The following SPICE1 variants were observed in gnomAD, a reference collection of about 807,000 sequenced individuals.
The protein encoded by SPICE1 is spindle and centriole-associated protein 1.
A neutral mutation model predicts 102.7 loss-of-function variants in SPICE1; 75 were observed. That is an observed-to-expected ratio of 0.73 (90% CI 0.61 to 0.88). The LOEUF (loss-of-function observed/expected upper bound fraction) is 0.88, where lower values mean the gene tolerates loss of function less well. SPICE1 is among the 40% of genes least tolerant of loss of function. The probability of loss-of-function intolerance (pLI) is 0.00; values close to 1 mark genes in which losing one functional copy is unlikely to be tolerated. For synonymous variants in SPICE1, 308 were observed against 350.3 expected, an observed-to-expected ratio of 0.88 and a Z score of 1.35; for missense variants, 979 against 1,020.1, an observed-to-expected ratio of 0.96 and a Z score of 0.55.
chr3:113,462,915 G>A (rs1289500666), intron 11 of SPICE1, among the ~76,000 whole-genome samples: 2 of 152,116 alleles, frequency 1.3e-5, no homozygotes, highest in Non-Finnish European at 2.9e-5. Flanking sequence ...AAGGCGCTAT[G>A]TAATTGGGCT....
chr3:113,489,183 G>C (rs1936712656), intron 6 of SPICE1, 120 bp from the exon 7 acceptor site: 1 of 621,978 alleles, frequency 1.6e-6, no homozygotes, highest in Non-Finnish European at 2.8e-6. Flanking sequence ...ACATGTTGTA[G>C]AACACAAATC....
chr3:113,477,220 T>C (rs540779138), intron 7 of SPICE1, among the ~76,000 whole-genome samples: 41 of 152,032 alleles, frequency 2.7e-4, no homozygotes, highest in Non-Finnish European at 5.6e-4. Flanking sequence ...GAAATGCAAA[T>C]CAAAACCACA....
At chr3:113,493,174 T>G (rs2107494891) in intron 6 of SPICE1, 32 bp downstream of exon 6, 2 of 1,445,320 alleles carry the variant, frequency 1.4e-6, no homozygotes, top group Non-Finnish European at 1.9e-6. Context: ...CCTTTCAGCA[T>G]GAGTGTTATA....
intron 13 of SPICE1, among the ~76,000 whole-genome samples, chr3:113,454,523 A>G (rs1935736517): frequency 6.6e-6 from 1 of 152,122 alleles, no homozygotes; most frequent in African/African-American, 2.4e-5. Context: ...AGCCTGGCCA[A>G]CATAGTGAAA....
rs149314908 is a variant in SPICE1 at position 113,460,744 on chromosome 3, C to T, written c.1308G>A (p.Met436Ile). Residue 436 changes from methionine (M) to isoleucine (I), a missense_variant, in exon 12 of 18, where the codon ATG becomes ATA. Met to Ile is a conservative substitution (Grantham distance 10). Transcript: ENST00000295872. ...AATQARLQQYMVTTDEQLISL... is the reference protein window; with the variant it reads ...AATQARLQQYIVTTDEQLISL... ...ATATCAGTTGCTCATCTGTTGTGAC[C>T]ATGTACTGCTGAAGTCTTGCCTGGG... 41 of 1,607,900 alleles carry T rather than the reference C, an allele frequency of 2.5e-5. No homozygotes were observed. The East Asian group carries it at 7.4e-4, about 29-fold the overall frequency.
chr3:113,462,457 C>T (rs535861761), intron 11 of SPICE1, among the ~76,000 whole-genome samples: 2 of 152,182 alleles, frequency 1.3e-5, no homozygotes, highest in African/African-American at 4.8e-5. Context: ...GATGTCAAAT[C>T]TTCTCATGGC....
At chr3:113,496,843 C>T (rs1347243167) in intron 4 of SPICE1, among the ~76,000 whole-genome samples, 1 of 152,198 alleles carries the variant, frequency 6.6e-6, no homozygotes, top group African/African-American at 2.4e-5. Flanking sequence ...TATCCATTGA[C>T]TAAGCAATTC....
chr3:113,467,517 C>T (rs1305106456), intron 10 of SPICE1, among the ~76,000 whole-genome samples: 3 of 152,228 alleles, frequency 2.0e-5, no homozygotes, highest in South Asian at 2.1e-4. Flanking sequence ...TGGTCTTAAA[C>T]TCCTGACCTC....
chr3:113,453,218 C>T (rs1935697130), intron 14 of SPICE1, among the ~76,000 whole-genome samples: 1 of 152,152 alleles, frequency 6.6e-6, no homozygotes, highest in Admixed American at 6.5e-5. Context: ...TTAATCTTAG[C>T]TTTCCTACGC....
chr3:113,464,315 G>A (rs1048270515), intron 11 of SPICE1, among the ~76,000 whole-genome samples: 1 of 148,336 alleles, frequency 6.7e-6, no homozygotes, highest in African/African-American at 2.5e-5. Flanking sequence ...GGAGTGTAAT[G>A]GCAAAATCAT....
At chr3:113,472,777 C>T (rs116692964) in intron 7 of SPICE1, among the ~76,000 whole-genome samples, 14 of 152,244 alleles carry the variant, frequency 9.2e-5, no homozygotes, top group African/African-American at 3.4e-4. Context: ...ACATCAAAAA[C>T]CCATCTCTAC....
intron 10 of SPICE1, among the ~76,000 whole-genome samples, chr3:113,467,591 A>G (rs6438151): frequency 0.06 from 9,079 of 152,306 alleles, 347 homozygotes; most frequent in African/African-American, 0.1. Context: ...GTGAGCCACC[A>G]CACCCAGCCA....
intron 4 of SPICE1, among the ~76,000 whole-genome samples, chr3:113,497,826 C>T (rs1052322376): frequency 1.3e-5 from 2 of 150,260 alleles, no homozygotes; most frequent in African/African-American, 2.4e-5. Flanking sequence ...CCTCAGCCTC[C>T]TGAGTAGCTG....
intron 12 of SPICE1, chr3:113,459,474 C>G: frequency 1.0e-6 from 1 of 978,176 alleles, no homozygotes; most frequent in Non-Finnish European, 1.2e-6. Flanking sequence ...AACAATAATT[C>G]TACAATATAT....
At chr3:113,472,506 C>T (rs184081344) in intron 7 of SPICE1, among the ~76,000 whole-genome samples, 1 of 152,224 alleles carries the variant, frequency 6.6e-6, no homozygotes, top group Admixed American at 6.5e-5. Context: ...GACCCCTGAC[C>T]CCCGAGCAGC....
At chr3:113,476,052 A>G (rs1038205786) in intron 7 of SPICE1, among the ~76,000 whole-genome samples, 2 of 152,190 alleles carry the variant, frequency 1.3e-5, no homozygotes, top group Admixed American at 1.3e-4. Context: ...TCTCAGCTCA[A>G]AATCTCCTTA....
rs1263653544 is a variant in SPICE1, at chr3:113,460,612, C to T, written c.1435+5G>A. Reference sequence around the variant, plus strand: ...GACAGTCTGAGAGAGTAAGACCACACTCACCTGGACTGTCCATAACTCTTC... The same window carrying T: ...GACAGTCTGAGAGAGTAAGACCACATTCACCTGGACTGTCCATAACTCTTC... On this transcript the variant is annotated splice_donor_5th_base_variant and intron_variant, in intron 12 of 17. Transcript: ENST00000295872. The T allele has an allele frequency of 5.0e-6, 8 of 1,598,252 alleles. No individual in the cohort carries two copies. Among genetic ancestry groups the T allele is most frequent in the East Asian group, 2.2e-5 (1 of 44,736 alleles).
intron 3 of SPICE1, among the ~76,000 whole-genome samples, chr3:113,502,619 AC>A (rs1263403447): frequency 8.6e-5 from 13 of 151,096 alleles, no homozygotes; most frequent in Non-Finnish European, 1.8e-4. Context: ...CACACTTTAA[AC>A]AGGTAAATTT....
chr3:113,446,321 G>C (rs1935512469), intron 17 of SPICE1, among the ~76,000 whole-genome samples: 1 of 152,096 alleles, frequency 6.6e-6, no homozygotes, highest in Non-Finnish European at 1.5e-5. Flanking sequence ...TAAATATATG[G>C]GAAGCTCTAC....
Sources: allele counts gnomAD v4.1 joint callset (sites outside exome capture counted in the v4.1 genomes callset), GRCh38; gene constraint gnomAD v4.1.1; transcripts MANE v1.5; gene names NCBI Gene and HGNC (gene_info 2026-07-23, HGNC 2026-07-21).